Variants in MED15 observed in about 807,000 individuals in gnomAD.
The protein encoded by MED15 is mediator of RNA polymerase II transcription subunit 15.
A neutral mutation model predicts 118.7 loss-of-function variants in MED15; 41 were observed. The ratio of observed to expected loss-of-function variants is 0.35; its 90% CI spans 0.27 to 0.45. The LOEUF (loss-of-function observed/expected upper bound fraction) is 0.45, where lower values mean the gene tolerates loss of function less well. Among genes scored for constraint, MED15 ranks in the 20% least tolerant of loss-of-function variants. The pLI is 1.00. For missense variants in MED15, 740 were observed against 1,025.5 expected, an observed-to-expected ratio of 0.72 and a Z score of 3.80; for synonymous variants, 436 against 413.9, an observed-to-expected ratio of 1.05 and a Z score of -0.65.
At chr22:20,534,928 C>T (rs1462698719) in intron 1 of MED15, among the ~76,000 whole-genome samples, 1 of 152,142 alleles carries the variant, frequency 6.6e-6, no homozygotes, top group Non-Finnish European at 1.5e-5. Context: ...TGCCTCCTCG[C>T]CTCCCTTCAG....
intron 9 of MED15, 152 bp from the exon 10 acceptor site, chr22:20,582,459 C>A: frequency 8.1e-7 from 1 of 1,238,744 alleles, no homozygotes; most frequent in Non-Finnish European, 1.1e-6. Context: ...GGGGAGTGTG[C>A]CTGTGTGTAT....
intron 1 of MED15, among the ~76,000 whole-genome samples, chr22:20,514,017 ACCAGGC>A (rs2054169286): frequency 6.6e-6 from 1 of 152,084 alleles, no homozygotes; most frequent in Non-Finnish European, 1.5e-5. Flanking sequence ...GACGCATGCC[ACCAGGC>A]CCAGCTAATT....
chr22:20,512,891 G>T (rs577740794), intron 1 of MED15, among the ~76,000 whole-genome samples: 1 of 151,622 alleles, frequency 6.6e-6, no homozygotes, highest in South Asian at 2.1e-4. Context: ...ACAGGCATGC[G>T]CCACCAGGCC....
chr22:20,564,419 G>A (rs1569226169), intron 5 of MED15, 31 bp from the exon 6 acceptor site: 2 of 1,612,686 alleles, frequency 1.2e-6, no homozygotes, highest in Admixed American at 3.3e-5. Flanking sequence ...TCTGCCCTGT[G>A]GACTGACTGG....
At chr22:20,558,725 T>A (rs576634373) in intron 5 of MED15, among the ~76,000 whole-genome samples, 1 of 152,076 alleles carries the variant, frequency 6.6e-6, no homozygotes, top group Non-Finnish European at 1.5e-5. Context: ...ATTCCTGTAG[T>A]CAGCCAGGAT....
intron 9 of MED15, among the ~76,000 whole-genome samples, chr22:20,580,319 G>T (rs978720559): frequency 3.9e-5 from 6 of 152,200 alleles, no homozygotes; most frequent in South Asian, 2.1e-4. Flanking sequence ...TGGCAATGAG[G>T]GCTGTGTGGT....
intron 9 of MED15, among the ~76,000 whole-genome samples, chr22:20,577,014 A>C (rs886328646): frequency 2.0e-5 from 3 of 152,188 alleles, no homozygotes; most frequent in Admixed American, 6.5e-5. Context: ...TCAGTGTGCG[A>C]TATGTGCCAG....
chr22:20,524,618 GTTTTGTTTTGTT>G (rs937239098), intron 1 of MED15, among the ~76,000 whole-genome samples: 3 of 152,072 alleles, frequency 2.0e-5, no homozygotes, highest in Non-Finnish European at 4.4e-5. Flanking sequence ...GGTTTTTTTT[GTTTTGTTTTGTT>G]TTTTGTTTTG....
chr22:20,572,709 AG>A (rs1318751019), intron 8 of MED15, among the ~76,000 whole-genome samples: 17 of 152,222 alleles, frequency 1.1e-4, no homozygotes, highest in African/African-American at 4.1e-4. Context: ...ACTTGAGACC[AG>A]GAGTTCAAAA....
chr22:20,520,956 T>A (rs969280279), intron 1 of MED15, among the ~76,000 whole-genome samples: 4 of 151,866 alleles, frequency 2.6e-5, no homozygotes, highest in Non-Finnish European at 5.9e-5. Context: ...CCCAGGCTGG[T>A]CTCGAACTCC....
intron 9 of MED15, chr22:20,581,789 A>C (rs1170908546): frequency 6.6e-6 from 1 of 152,296 alleles, no homozygotes; most frequent in African/African-American, 2.4e-5. Flanking sequence ...TTACGGATGA[A>C]GACAGTGGTG....
At chr22:20,560,326 G>T (rs1034903469) in intron 5 of MED15, among the ~76,000 whole-genome samples, 5 of 152,064 alleles carry the variant, frequency 3.3e-5, no homozygotes, top group Admixed American at 3.3e-4. Flanking sequence ...GTGCAGTGGT[G>T]CAATGTCGGC....
At chr22:20,583,523 C>T in intron 13 of MED15, 130 bp downstream of exon 13, 1 of 1,048,854 alleles carries the variant, frequency 9.5e-7, no homozygotes, top group South Asian at 1.4e-5. Flanking sequence ...CAGAGGCCTC[C>T]AAGGCTCCAC....
intron 16 of MED15, 149 bp downstream of exon 16, chr22:20,585,416 C>T (rs1363610040): frequency 1.3e-5 from 14 of 1,088,296 alleles, no homozygotes; most frequent in South Asian, 3.1e-5. Context: ...TCACACACAC[C>T]GGGCTCCAGA....
intron 3 of MED15, chr22:20,552,466 T>C: frequency 5.4e-6 from 2 of 368,494 alleles, no homozygotes; most frequent in Non-Finnish European, 5.6e-6. Context: ...CACTGGGATG[T>C]GTAAGAGGAG....
chr22:20,507,793 T>G (rs749166692), intron 1 of MED15, 47 bp downstream of exon 1: 4 of 1,611,862 alleles, frequency 2.5e-6, no homozygotes, highest in African/African-American at 1.3e-5. Flanking sequence ...ACCTTCCTCC[T>G]TAGCGTGGCG....
chr22:20,572,646 C>T (rs2056701007), intron 8 of MED15, among the ~76,000 whole-genome samples: 1 of 152,134 alleles, frequency 6.6e-6, no homozygotes, highest in African/African-American at 2.4e-5. Context: ...CATGCAGGCA[C>T]AGTGGCTCAT....
intron 1 of MED15, among the ~76,000 whole-genome samples, chr22:20,523,437 G>GA (rs1491405903): frequency 1.3e-5 from 2 of 152,160 alleles, no homozygotes; most frequent in Non-Finnish European, 2.9e-5. Flanking sequence ...CAACTACTTT[G>GA]AGAGTTAGCA....
chr22:20,571,031 A>G (rs974459500), intron 8 of MED15, among the ~76,000 whole-genome samples: 13 of 152,040 alleles, frequency 8.6e-5, no homozygotes, highest in Non-Finnish European at 1.8e-4. Context: ...AAGTGTTGGG[A>G]TTACAGGCGT....
Sources: gnomAD v4.1 joint callset for allele counts (sites outside exome capture counted in the v4.1 genomes callset) on GRCh38, gnomAD v4.1.1 for gene constraint, MANE v1.5 for transcripts, NCBI Gene and HGNC (gene_info 2026-07-23, HGNC 2026-07-21) for gene names.